Variants in WWP1 observed in about 807,000 individuals in gnomAD.
WWP1 encodes the protein NEDD4-like E3 ubiquitin-protein ligase WWP1.
Under a neutral mutation model 130.6 loss-of-function variants are expected in WWP1, and 49 were observed. The ratio of observed to expected loss-of-function variants is 0.38; its 90% CI spans 0.30 to 0.48. WWP1 has a LOEUF of 0.48. Among genes scored for constraint, WWP1 ranks in the 20% least tolerant of loss-of-function variants. The pLI is 0.99. For missense variants in WWP1, 809 were observed against 1,100.6 expected (o/e 0.74, Z 3.75); for synonymous variants, 332 against 367.8 (o/e 0.90, Z 1.11).
chr8:86,434,882 A>G (rs765130847), intron 14 of WWP1, among the ~76,000 whole-genome samples: 2 of 152,190 alleles, frequency 1.3e-5, no homozygotes, highest in African/African-American at 4.8e-5. Flanking sequence ...CAGGCCCTCA[A>G]TCAATAGGCA....
At chr8:86,372,899 T>C (rs1824409380) in intron 2 of WWP1, among the ~76,000 whole-genome samples, 1 of 152,132 alleles carries the variant, frequency 6.6e-6, no homozygotes, top group Non-Finnish European at 1.5e-5. Flanking sequence ...ATTAACTCCT[T>C]TCTTTGGGTT....
At chr8:86,352,623 T>C (rs986191194) in intron 1 of WWP1, among the ~76,000 whole-genome samples, 7 of 151,498 alleles carry the variant, frequency 4.6e-5, no homozygotes, top group African/African-American at 1.7e-4. Context: ...CCTTGCCCTC[T>C]CTCCCAATGT....
intron 21 of WWP1, among the ~76,000 whole-genome samples, chr8:86,456,283 A>G (rs1811438861): frequency 6.6e-6 from 1 of 151,972 alleles, no homozygotes; most frequent in Non-Finnish European, 1.5e-5. Context: ...CTTCAAAACT[A>G]AAAACTGCTC....
Position 86,398,496 on chromosome 8 carries a change from T to A in WWP1, c.472+17T>A. The A allele has an allele frequency of 6.2e-7, 1 of 1,609,878 alleles. No homozygotes were observed. Among genetic ancestry groups the A allele is most frequent in the Non-Finnish European group, 8.5e-7 (1 of 1,178,622 alleles). On this transcript the variant is annotated intron_variant, in intron 6 of 24. Transcript: ENST00000517970. ...CTCCAACCAGTAAGCTAACTTTATA[T>A]GTTTGTAAAATTTCAAGGAAAAAGA...
At chr8:86,401,844 C>G (rs1289970447) in intron 7 of WWP1, among the ~76,000 whole-genome samples, 175 bp from the exon 8 acceptor site, 6 of 151,814 alleles carry the variant, frequency 4.0e-5, no homozygotes, top group Admixed American at 3.3e-4. Context: ...CTCTATTTAC[C>G]TATCATTTTA....
At chr8:86,355,470 A>C (rs1296405154) in intron 1 of WWP1, among the ~76,000 whole-genome samples, 2 of 152,228 alleles carry the variant, frequency 1.3e-5, no homozygotes, top group Non-Finnish European at 2.9e-5. Context: ...TTAAGGAAAA[A>C]AGTCGTTAAG....
intron 1 of WWP1, among the ~76,000 whole-genome samples, chr8:86,357,219 G>A (rs1447676327): frequency 6.6e-6 from 1 of 152,160 alleles, no homozygotes; most frequent in African/African-American, 2.4e-5. Context: ...CTGAGGCCGA[G>A]TGAGGTTTAG....
At chr8:86,453,420 C>T (rs891180583) in intron 21 of WWP1, among the ~76,000 whole-genome samples, 1 of 152,182 alleles carries the variant, frequency 6.6e-6, no homozygotes, top group Non-Finnish European at 1.5e-5. Context: ...ATGTACACTA[C>T]CACATGGTAT....
At chr8:86,345,946 C>T (rs903245088) in intron 1 of WWP1, among the ~76,000 whole-genome samples, 2 of 152,164 alleles carry the variant, frequency 1.3e-5, no homozygotes, top group African/African-American at 4.8e-5. Flanking sequence ...AAAGTGGAAT[C>T]AGGAGATTGT....
At chr8:86,394,476 T>A (rs1807537535) in intron 5 of WWP1, among the ~76,000 whole-genome samples, 1 of 152,210 alleles carries the variant, frequency 6.6e-6, no homozygotes, top group South Asian at 2.1e-4. Context: ...TCTGCTCTGC[T>A]AGAGACTTCA....
chr8:86,396,031 G>A (rs1807640420), intron 5 of WWP1, among the ~76,000 whole-genome samples: 1 of 152,008 alleles, frequency 6.6e-6, no homozygotes, highest in South Asian at 2.1e-4. Context: ...GAATGAAATT[G>A]AATGTCAGTC....
At position 86,342,938 on chromosome 8, in the gene WWP1, C is replaced by G; in HGVS notation, c.-115+8C>G. 2 of 157,606 alleles carry G rather than the reference C, an allele frequency of 1.3e-5. No homozygotes were observed. The highest frequency in any genetic ancestry group is 1.3e-5 in the Non-Finnish European group (1 of 79,146). The allele number at this position is 157,606 out of a possible 1,614,324, so 9.8% of individuals were successfully genotyped here. A position where few individuals can be genotyped will look rare whatever the true frequency, so the allele number is the denominator to read the frequency against. On this transcript the variant is annotated splice_region_variant and intron_variant, in intron 1 of 24. Coordinates refer to ENST00000517970, the MANE Select transcript of WWP1 (RefSeq NM_007013.4). Reference sequence around the variant, plus strand: ...CCGACAGCTTCGCGCCGGGTAAGGACGGCGCGGCGCGGGGCTGGGGGTGCG... The same window carrying G: ...CCGACAGCTTCGCGCCGGGTAAGGAGGGCGCGGCGCGGGGCTGGGGGTGCG...
intron 1 of WWP1, among the ~76,000 whole-genome samples, chr8:86,353,267 C>T (rs988597512): frequency 6.6e-6 from 1 of 152,196 alleles, no homozygotes; most frequent in African/African-American, 2.4e-5. Flanking sequence ...CTACGGGCTA[C>T]TTCACTTAAA....
chr8:86,376,919 A>C (rs1328425684), intron 3 of WWP1, among the ~76,000 whole-genome samples: 2 of 152,150 alleles, frequency 1.3e-5, no homozygotes, highest in African/African-American at 4.8e-5. Flanking sequence ...TACCAGTCTT[A>C]CTGATCTCAC....
chr8:86,421,212 A>G (rs1809182188), intron 9 of WWP1, among the ~76,000 whole-genome samples: 4 of 152,122 alleles, frequency 2.6e-5, no homozygotes, highest in Admixed American at 2.6e-4. Context: ...GAATATCATG[A>G]GTGTTCCAGT....
intron 1 of WWP1, among the ~76,000 whole-genome samples, chr8:86,357,036 A>G (rs1464129997): frequency 6.6e-6 from 1 of 152,204 alleles, no homozygotes; most frequent in Non-Finnish European, 1.5e-5. Flanking sequence ...CAACTTTATA[A>G]AAGTCTATTT....
intron 20 of WWP1, among the ~76,000 whole-genome samples, chr8:86,450,351 C>T (rs1357125099): frequency 6.6e-6 from 1 of 152,028 alleles, no homozygotes; most frequent in Non-Finnish European, 1.5e-5. Flanking sequence ...GCATTTATTA[C>T]GCTAGTTGGA....
chr8:86,427,990 G>C (rs1809727573), intron 11 of WWP1, among the ~76,000 whole-genome samples, 173 bp downstream of exon 11: 1 of 151,406 alleles, frequency 6.6e-6, no homozygotes. Context: ...TAGTGTTTCT[G>C]ATATATATAA....
At chr8:86,377,016 TGA>T (rs765077772) in intron 3 of WWP1, among the ~76,000 whole-genome samples, 13 of 152,318 alleles carry the variant, frequency 8.5e-5, no homozygotes, top group South Asian at 6.2e-4. Flanking sequence ...GGGTTAATAA[TGA>T]GAAACCAACT....
Sources: allele counts gnomAD v4.1 joint callset (sites outside exome capture counted in the v4.1 genomes callset), GRCh38; gene constraint gnomAD v4.1.1; transcripts MANE v1.5; gene names NCBI Gene and HGNC (gene_info 2026-07-23, HGNC 2026-07-21).